The following RAB3D variants were observed in gnomAD, a reference collection of about 807,000 sequenced individuals.
RAB3D encodes the protein RAB3D, member RAS oncogene family.
RAB3D carries 17 observed loss-of-function variants against 19.3 expected under a neutral mutation model. The observed-to-expected ratio is 0.88, with a 90% confidence interval of 0.60 to 1.32. The LOEUF (loss-of-function observed/expected upper bound fraction) is 1.32. Among genes scored for constraint, RAB3D ranks in the 40% most tolerant of loss-of-function variants. RAB3D has a pLI of 0.00. For missense variants in RAB3D, 223 were observed against 299.1 expected (o/e 0.75, Z 1.88); for synonymous variants, 103 against 119.9 (o/e 0.86, Z 0.92).
In RAB3D at chr19:11,335,751, G is replaced by A. The variant is rs749887813; in HGVS notation, c.261C>T (p.Ile87=). 1 of 1,614,230 alleles carries A rather than the reference G, an allele frequency of 6.2e-7. No homozygotes were observed. Among genetic ancestry groups the A allele is most frequent in the East Asian group, 2.2e-5 (1 of 44,880 alleles). ...DTAGQERYRT[I]TTAYYRGAMG... Reference sequence around the variant, plus strand: ...TGGCTCCCCGGTAGTAGGCCGTGGTGATGGTGCGGTAGCGCTCCTGGCCCG... The same window carrying A: ...TGGCTCCCCGGTAGTAGGCCGTGGTAATGGTGCGGTAGCGCTCCTGGCCCG... The change falls in exon 3 of 5, where the codon ATC becomes ATT. Residue 87 remains isoleucine, a synonymous_variant. Transcript: ENST00000222120.
intron 4 of RAB3D, among the ~76,000 whole-genome samples, chr19:11,335,146 G>T (rs888668690): frequency 6.6e-6 from 1 of 152,224 alleles, no homozygotes; most frequent in African/African-American, 2.4e-5. Context: ...GGGATCTGTA[G>T]GTTTCACTCC....
At chr19:11,331,892 A>T (rs1363404885) in intron 4 of RAB3D, among the ~76,000 whole-genome samples, 1 of 152,168 alleles carries the variant, frequency 6.6e-6, no homozygotes, top group African/African-American at 2.4e-5. Flanking sequence ...TTCGATGTCA[A>T]GGGTTTGCTC....
At chr19:11,326,785 C>G (rs2147966323) in intron 4 of RAB3D, 2 of 693,714 alleles carry the variant, frequency 2.9e-6, no homozygotes, top group East Asian at 2.7e-5. Flanking sequence ...TCAATTTTTT[C>G]TTTTGTAGAG....
chr19:11,334,849 G>A (rs1599359466), intron 4 of RAB3D, among the ~76,000 whole-genome samples: 1 of 152,028 alleles, frequency 6.6e-6, no homozygotes, highest in African/African-American at 2.4e-5. Flanking sequence ...CTTGAACCTG[G>A]GAGGTGGAGG....
At position 11,337,346 on chromosome 19, in the gene RAB3D, G is replaced by A. The variant is rs1279304914; in HGVS notation, c.54C>T (p.Asn18=). 1 of 1,614,076 alleles carries A rather than the reference G, an allele frequency of 6.2e-7. No individual in the cohort carries two copies. Among genetic ancestry groups the A allele is most frequent in the African/African-American group, 1.3e-5 (1 of 74,938 alleles). ...GTAGCAGTTTGAACATATAGTCGAA[G>A]TTCTGATCTGCTGCATCCCGTGGGC... is the stretch of plus-strand genomic sequence containing the variant. ...QAGPRDAADQ[N]FDYMFKLLLI... Residue 18 remains asparagine, a synonymous_variant, in exon 2 of 5, where the codon AAC becomes AAT. Coordinates refer to ENST00000222120, the MANE Select transcript of RAB3D (RefSeq NM_004283.4).
At chr19:11,328,963 C>A (rs2080826298) in intron 4 of RAB3D, among the ~76,000 whole-genome samples, 1 of 148,944 alleles carries the variant, frequency 6.7e-6, no homozygotes, top group Non-Finnish European at 1.5e-5. Flanking sequence ...ACAGAGTCTC[C>A]CTCTGTTGCC....
At chr19:11,336,831 G>A (rs893122400) in intron 2 of RAB3D, among the ~76,000 whole-genome samples, 4 of 151,864 alleles carry the variant, frequency 2.6e-5, no homozygotes, top group African/African-American at 9.7e-5. Flanking sequence ...TTAGCCGGGT[G>A]TGGTGGCGTG....
intron 2 of RAB3D, 40 bp from the exon 3 acceptor site, chr19:11,335,823 T>C: frequency 6.4e-7 from 1 of 1,566,450 alleles, no homozygotes; most frequent in Admixed American, 1.7e-5. Flanking sequence ...GAACTACCTG[T>C]TTCCCAGTCC....
chr19:11,335,752 A>G lies in RAB3D; in HGVS notation c.260T>C (p.Ile87Thr), dbSNP rs1311440183. 2 of 1,614,164 alleles carry G rather than the reference A, an allele frequency of 1.2e-6. No individual in the cohort carries two copies. Among genetic ancestry groups the G allele is most frequent in the South Asian group, 2.2e-5 (2 of 91,080 alleles). ...GGCTCCCCGGTAGTAGGCCGTGGTG[A>G]TGGTGCGGTAGCGCTCCTGGCCCGC... Reference protein sequence around the residue: ...DTAGQERYRTITTAYYRGAMG... With the variant: ...DTAGQERYRTTTTAYYRGAMG... The change falls in exon 3 of 5, where the codon ATC becomes ACC. Residue 87 changes from isoleucine to threonine, a missense_variant. By Grantham distance (89) the Ile-to-Thr change is moderately conservative. Transcript: ENST00000222120.
chr19:11,336,614 G>A (rs1966897396), intron 2 of RAB3D, among the ~76,000 whole-genome samples: 1 of 151,802 alleles, frequency 6.6e-6, no homozygotes, highest in South Asian at 2.1e-4. Flanking sequence ...AGTGTCACAA[G>A]TACTTCAAAC....
At position 11,335,523 on chromosome 19, in the gene RAB3D, C is replaced by A. The variant is rs780798597; in HGVS notation, c.396G>T (p.Leu132=). The A allele has an allele frequency of 2.5e-6, 4 of 1,614,182 alleles. No individual in the cohort carries two copies. Among genetic ancestry groups the A allele is most frequent in the Non-Finnish European group, 3.4e-6 (4 of 1,180,042 alleles). ...CCTCCAGGTCACACTTGTTCCCCAC[C>A]AGGATGACCTGGGCGTTGTCCCAGG... The part of the protein sequence containing the change: ...TYSWDNAQVI[L]VGNKCDLEDE... Residue 132 remains leucine, a synonymous_variant, in exon 4 of 5, where the codon CTG becomes CTT. Coordinates refer to ENST00000222120, the MANE Select transcript of RAB3D (RefSeq NM_004283.4).
intron 4 of RAB3D, among the ~76,000 whole-genome samples, chr19:11,331,518 G>A (rs2080835662): frequency 6.6e-6 from 1 of 151,814 alleles, no homozygotes; most frequent in South Asian, 2.1e-4. Flanking sequence ...ACCAGCCTGG[G>A]CAATATAGTG....
intron 4 of RAB3D, among the ~76,000 whole-genome samples, chr19:11,332,785 T>C (rs920644783): frequency 6.6e-6 from 1 of 152,026 alleles, no homozygotes; most frequent in Non-Finnish European, 1.5e-5. Context: ...CTGGCCAAAG[T>C]TATTTTTTTA....
chr19:11,339,162 G>T (rs989885237), intron 1 of RAB3D, among the ~76,000 whole-genome samples: 3 of 152,174 alleles, frequency 2.0e-5, no homozygotes, highest in Non-Finnish European at 4.4e-5. Flanking sequence ...GCTCACCTGT[G>T]TCAGTCGGTC....
intron 3 of RAB3D, 31 bp from the exon 4 acceptor site, chr19:11,335,602 C>T (rs766277073): frequency 5.8e-5 from 93 of 1,613,434 alleles, no homozygotes; most frequent in Middle Eastern, 3.3e-4. Flanking sequence ...AGCCATGAGC[C>T]GGGGGGGTTA....
intron 4 of RAB3D, chr19:11,326,813 T>A: frequency 1.5e-6 from 1 of 688,214 alleles, no homozygotes; most frequent in Non-Finnish European, 2.6e-6. Flanking sequence ...TCTCGCTATG[T>A]TGCGCAGGCT....
At position 11,337,223 on chromosome 19, in the gene RAB3D, GA is replaced by G. The variant is rs749903804; in HGVS notation, c.176del (p.Phe59SerfsTer114). ...PAFVSTVGIDFKVKTVYRHDK... is the reference protein window; with the variant it reads ...PAFVSTVGIDXKVKTVYRHDK... ...CATGGCGGTAGACGGTCTTGACCTT[GA>G]AATCGATGCCCACAGTACTGACGAA... is the stretch of plus-strand genomic sequence containing the variant. On this transcript the variant is annotated frameshift_variant, in exon 2 of 5. Coordinates refer to ENST00000222120, the MANE Select transcript of RAB3D (RefSeq NM_004283.4). LOFTEE classifies it high-confidence loss of function. 6.2e-7 allele frequency: 1 copy of G among 1,614,110 alleles called. No homozygotes were observed. The highest frequency in any genetic ancestry group is 1.1e-5 in the South Asian group (1 of 91,080).
intron 2 of RAB3D, among the ~76,000 whole-genome samples, chr19:11,336,681 C>T (rs1009019228): frequency 2.0e-5 from 3 of 151,866 alleles, no homozygotes; most frequent in Admixed American, 6.6e-5. Flanking sequence ...TACTGTTTCC[C>T]GCCAGGCACA....
At chr19:11,338,986 T>C (rs1281199515) in intron 1 of RAB3D, among the ~76,000 whole-genome samples, 1 of 152,174 alleles carries the variant, frequency 6.6e-6, no homozygotes, top group Non-Finnish European at 1.5e-5. Flanking sequence ...GGCACAGCTA[T>C]TTCTCAACTG....
Sources: gnomAD v4.1 joint callset for allele counts (sites outside exome capture counted in the v4.1 genomes callset) on GRCh38, gnomAD v4.1.1 for gene constraint, MANE v1.5 for transcripts, NCBI Gene and HGNC (gene_info 2026-07-23, HGNC 2026-07-21) for gene names.